The following CNTN4 variants were observed in gnomAD, a reference collection of about 807,000 sequenced individuals.
CNTN4 encodes the protein contactin-4.
CNTN4 carries 77 observed loss-of-function variants against 122.5 expected under a neutral mutation model. The ratio of observed to expected loss-of-function variants is 0.63; its 90% confidence interval spans 0.52 to 0.76. CNTN4 has a LOEUF of 0.76. Among genes scored for constraint, CNTN4 ranks in the 30% least tolerant of loss-of-function variants. The probability of loss-of-function intolerance (pLI) is 0.00; values close to 1 mark genes in which losing one functional copy is unlikely to be tolerated. For synonymous variants in CNTN4, 512 were observed against 447.0 expected (o/e 1.15, Z -1.83); for missense variants, 1,256 against 1,259.1 (o/e 1.00, Z 0.04).
chr3:2,270,361 A>C (rs1394890641), intron 2 of CNTN4, among the ~76,000 whole-genome samples: 1 of 152,136 alleles, frequency 6.6e-6, no homozygotes. Flanking sequence ...TTTGTCACCC[A>C]GGTACTAAGC....
chr3:2,475,730 A>G (rs1415995432), intron 3 of CNTN4, among the ~76,000 whole-genome samples: 3 of 152,204 alleles, frequency 2.0e-5, no homozygotes, highest in Non-Finnish European at 4.4e-5. Flanking sequence ...AAAAATAACA[A>G]CAATAATAAT....
intron 6 of CNTN4, among the ~76,000 whole-genome samples, chr3:2,813,705 A>G (rs1228356974): frequency 6.6e-6 from 1 of 152,176 alleles, no homozygotes; most frequent in African/African-American, 2.4e-5. Context: ...TTACTTCTCA[A>G]AAGAGATCTT....
intron 3 of CNTN4, among the ~76,000 whole-genome samples, chr3:2,462,866 C>T (rs1418383257): frequency 6.6e-6 from 1 of 152,014 alleles, no homozygotes. Flanking sequence ...TATAAAATTC[C>T]TAAAATAGTA....
At chr3:2,847,069 C>A (rs967282700) in intron 7 of CNTN4, among the ~76,000 whole-genome samples, 1 of 151,986 alleles carries the variant, frequency 6.6e-6, no homozygotes, top group African/African-American at 2.4e-5. Context: ...TATATATTCT[C>A]AGCTTGTTGA....
rs565811807 is a variant in CNTN4, at chr3:3,053,104, G to T, written c.2812-703G>T. Among the ~76,000 whole-genome samples, 12 of 152,224 alleles carry T rather than the reference G, an allele frequency of 7.9e-5. No individual in the cohort carries two copies. In the East Asian group the frequency reaches 2.3e-3, roughly 29 times the overall value. On this transcript the variant is annotated intron_variant, in intron 23 of 24. Coordinates refer to ENST00000418658, the MANE Select transcript of CNTN4 (RefSeq NM_175607.3). ...GGCTGGAGTGCAGTGGCTTGATCTC[G>T]GCTCACTGCAACGTCTGCCTCCCGG... is the stretch of plus-strand genomic sequence containing the variant.
At chr3:2,474,902 A>G (rs146306109) in intron 3 of CNTN4, among the ~76,000 whole-genome samples, 99 of 152,272 alleles carry the variant, frequency 6.5e-4, no homozygotes, top group African/African-American at 2.3e-3. Flanking sequence ...CTTTCTGTGA[A>G]GACAGTATCA....
Position 2,571,555 on chromosome 3 carries a change from G to T in CNTN4, c.52G>T (p.Ala18Ser). ...ACTGCAATCATTCATTTTGTGCCTT[G>T]CAGGTAGAGTGTCATTTTAAAACTT... ...LVLQSFILCL[A>S]DDSTLHGPIF... The change falls in exon 4 of 25, where the codon GCA (alanine) becomes TCA (serine). Residue 18 changes from alanine (A) to serine (S), a missense_variant. Physicochemically the swap from Ala to Ser is moderately conservative, Grantham distance 99. Coordinates refer to ENST00000418658, the MANE Select transcript of CNTN4 (RefSeq NM_175607.3). The T allele has an allele frequency of 6.2e-7, 1 of 1,612,278 alleles. No individual in the cohort carries two copies. Among genetic ancestry groups the T allele is most frequent in the Non-Finnish European group, 8.5e-7 (1 of 1,178,334 alleles).
intron 3 of CNTN4, among the ~76,000 whole-genome samples, chr3:2,454,719 C>T (rs979934025): frequency 6.9e-6 from 1 of 144,664 alleles, no homozygotes; most frequent in Non-Finnish European, 1.5e-5. Context: ...GTGCTTGTTT[C>T]CTACTCCATT....
At chr3:2,249,843 A>T (rs1024943501) in intron 2 of CNTN4, among the ~76,000 whole-genome samples, 5 of 151,914 alleles carry the variant, frequency 3.3e-5, no homozygotes, top group East Asian at 3.9e-4. Flanking sequence ...GAATATTCTT[A>T]TGCCTTATTT....
chr3:2,624,150 A>G (rs1458753776), intron 4 of CNTN4, among the ~76,000 whole-genome samples: 1 of 152,204 alleles, frequency 6.6e-6, no homozygotes, highest in Non-Finnish European at 1.5e-5. Context: ...AAATACTTTT[A>G]AAATTGTTCT....
intron 3 of CNTN4, among the ~76,000 whole-genome samples, chr3:2,420,338 C>T (rs1415521447): frequency 1.3e-5 from 2 of 152,178 alleles, no homozygotes; most frequent in Admixed American, 1.3e-4. Flanking sequence ...CAACTTCTCT[C>T]ACCTCTCTGG....
chr3:2,814,369 C>T (rs181264768), intron 6 of CNTN4, among the ~76,000 whole-genome samples: 6 of 152,272 alleles, frequency 3.9e-5, no homozygotes, highest in Admixed American at 3.9e-4. Context: ...GAATACAAGC[C>T]AAGTGTAATT....
At chr3:2,627,173 G>A (rs2082223521) in intron 4 of CNTN4, among the ~76,000 whole-genome samples, 1 of 152,070 alleles carries the variant, frequency 6.6e-6, no homozygotes, top group South Asian at 2.1e-4. Context: ...GGGACAAATT[G>A]GTCACCCTAC....
intron 5 of CNTN4, among the ~76,000 whole-genome samples, chr3:2,742,268 G>A (rs1016950789): frequency 6.6e-6 from 1 of 152,046 alleles, no homozygotes; most frequent in African/African-American, 2.4e-5. Flanking sequence ...TCTTTTCATT[G>A]TTTCCTGCCC....
At chr3:2,686,647 G>T (rs1308280952) in intron 4 of CNTN4, among the ~76,000 whole-genome samples, 1 of 152,136 alleles carries the variant, frequency 6.6e-6, no homozygotes, top group Non-Finnish European at 1.5e-5. Context: ...TACTATTTGT[G>T]TGTGTGTCTG....
At chr3:2,342,692 TGAA>T (rs1338654733) in intron 3 of CNTN4, among the ~76,000 whole-genome samples, 2 of 152,212 alleles carry the variant, frequency 1.3e-5, no homozygotes, top group Admixed American at 6.5e-5. Flanking sequence ...TGCTGCCATG[TGAA>T]GAAGGACTTT....
intron 2 of CNTN4, among the ~76,000 whole-genome samples, chr3:2,235,507 T>C (rs1457823848): frequency 2.0e-5 from 3 of 152,178 alleles, no homozygotes; most frequent in Non-Finnish European, 4.4e-5. Flanking sequence ...ATTGTTTTTA[T>C]AAATTTTTGA....
intron 8 of CNTN4, among the ~76,000 whole-genome samples, chr3:2,867,485 A>G (rs1276597868): frequency 1.3e-5 from 2 of 152,214 alleles, no homozygotes; most frequent in Non-Finnish European, 2.9e-5. Context: ...AATTACCTAA[A>G]TGACTTAACA....
Position 2,822,274 on chromosome 3 carries a change from G to A in CNTN4, c.454+2693G>A, listed in dbSNP as rs116027106. Among the ~76,000 whole-genome samples, 1,317 of 152,306 alleles carry A rather than the reference G, an allele frequency of 8.6e-3. 17 individuals are homozygous for A. The highest frequency in any genetic ancestry group is 0.03 in the African/African-American group (1,248 of 41,562). ...CTTGTTCTGTTTCAAATCATTATTT[G>A]ATACTGGGAAAATATCTTCAAATTC... is the stretch of plus-strand genomic sequence containing the variant. On this transcript the variant is annotated intron_variant, in intron 7 of 24. Coordinates refer to ENST00000418658, the MANE Select transcript of CNTN4 (RefSeq NM_175607.3).
Sources: gnomAD v4.1 joint callset for allele counts (sites outside exome capture counted in the v4.1 genomes callset) on GRCh38, gnomAD v4.1.1 for gene constraint, MANE v1.5 for transcripts, NCBI Gene and HGNC (gene_info 2026-07-23, HGNC 2026-07-21) for gene names.